ADCY6: variants seen among roughly 807,000 people sequenced by gnomAD.
The protein encoded by ADCY6 is adenylate cyclase type 6.
A neutral mutation model predicts 111.6 loss-of-function variants in ADCY6; 59 were observed. That is an observed-to-expected ratio of 0.53 (90% CI 0.43 to 0.66). ADCY6 has a LOEUF of 0.66. ADCY6 is among the 30% of genes least tolerant of loss of function. The pLI is 0.00. For synonymous variants in ADCY6, 576 were observed against 642.9 expected (o/e 0.90, Z 1.57); for missense variants, 1,242 against 1,595.6 (o/e 0.78, Z 3.78).
At chr12:48,775,744 C>T (rs1031900087) in intron 9 of ADCY6, 46 bp from the exon 10 acceptor site, 2 of 1,599,510 alleles carry the variant, frequency 1.3e-6, no homozygotes, top group African/African-American at 2.7e-5. Context: ...GGCCAACAAC[C>T]TTCATCTCTG....
Position 48,774,479 on chromosome 12 carries a change from C to A in ADCY6, c.2206G>T (p.Val736Phe), listed in dbSNP as rs1411484043. Residue 736 changes from valine to phenylalanine, a missense_variant, in exon 14 of 22, where the codon GTC (valine) becomes TTC (phenylalanine). Around this residue, in one of 4 missense-constraint regions of ADCY6, gnomAD observed 375 missense variants for 432.5 expected, o/e 0.87. Transcript: ENST00000357869. Reference protein sequence around the residue: ...KALQRLSRSIVRSRAHSTAVG... With the variant: ...KALQRLSRSIFRSRAHSTAVG... ...GCGGTGCTATGTGCCCGTGAGCGGA[C>A]AATGCTGCGGGACAGACGTTGCAGG... The A allele has an allele frequency of 1.2e-6, 2 of 1,613,946 alleles. No individual in the cohort carries two copies. Among genetic ancestry groups the A allele is most frequent in the Non-Finnish European group, 1.7e-6 (2 of 1,179,998 alleles).
At chr12:48,772,766 C>G (rs559415572) in intron 16 of ADCY6, among the ~76,000 whole-genome samples, 1 of 152,296 alleles carries the variant, frequency 6.6e-6, no homozygotes, top group South Asian at 2.1e-4. Context: ...TGAGACAAGT[C>G]GCTTAACTCT....
In ADCY6 at chr12:48,774,394, A is replaced by T; in HGVS notation, c.2283+8T>A. On this transcript the variant is annotated splice_region_variant and intron_variant, in intron 14 of 21. Transcript: ENST00000357869. ...GCAGAGGTGGGAGAATTCCCACTGG[A>T]CCCTTACCATGTTGGCAATGGCAGA... 1 of 1,606,908 alleles carries T rather than the reference A, an allele frequency of 6.2e-7. No individual in the cohort carries two copies. The highest frequency in any genetic ancestry group is 1.7e-4 in the Middle Eastern group (1 of 6,042).
At position 48,776,176 on chromosome 12, in the gene ADCY6, C is replaced by T; in HGVS notation, c.1677+33G>A. 2 of 1,613,988 alleles carry T rather than the reference C, an allele frequency of 1.2e-6. No homozygotes were observed. Among genetic ancestry groups the T allele is most frequent in the South Asian group, 1.1e-5 (1 of 91,082 alleles). ...TCCTCCCCATTTGTCCCTCTTCTTGCTCCCCTGCCCCCAGCCCTGCCCTGG... is the reference window on the plus strand; with the variant it reads ...TCCTCCCCATTTGTCCCTCTTCTTGTTCCCCTGCCCCCAGCCCTGCCCTGG... On this transcript the variant is annotated intron_variant, in intron 8 of 21. Coordinates refer to ENST00000357869, the MANE Select transcript of ADCY6 (RefSeq NM_015270.5). The surrounding 1 kb of genome is among the most constrained non-coding windows in gnomAD (Gnocchi z 6.1).
intron 1 of ADCY6, among the ~76,000 whole-genome samples, chr12:48,788,249 C>T (rs1162894432): frequency 6.6e-6 from 1 of 152,188 alleles, no homozygotes; most frequent in Non-Finnish European, 1.5e-5. Context: ...TCCCACATCA[C>T]CCTTTACTAT....
At chr12:48,770,645 G>C in intron 20 of ADCY6, 121 bp downstream of exon 20, 1 of 972,688 alleles carries the variant, frequency 1.0e-6, no homozygotes, top group East Asian at 2.4e-5. Flanking sequence ...TAGGAGGTCA[G>C]AGGGAAGAAA....
chr12:48,777,541 A>G lies in ADCY6; in HGVS notation c.1137-20T>C. On this transcript the variant is annotated intron_variant, in intron 4 of 21. Coordinates refer to ENST00000357869, the MANE Select transcript of ADCY6 (RefSeq NM_015270.5). The surrounding 1 kb of genome is among the most constrained non-coding windows in gnomAD (Gnocchi z 4.9). ...AGGATGCTGTAGATGACAGCAGAGG[A>G]TGAACAGAACACATAGCCCTCAAAG... 1 of 1,614,134 alleles carries G rather than the reference A, an allele frequency of 6.2e-7. No individual in the cohort carries two copies. The highest frequency in any genetic ancestry group is 8.5e-7 in the Non-Finnish European group (1 of 1,179,964).
intron 2 of ADCY6, among the ~76,000 whole-genome samples, chr12:48,779,451 C>T (rs1941789600): frequency 6.6e-6 from 1 of 152,162 alleles, no homozygotes; most frequent in African/African-American, 2.4e-5. Context: ...TCAAGCCCAA[C>T]CTCAGAGCCC....
intron 1 of ADCY6, 160 bp from the exon 2 acceptor site, chr12:48,783,598 C>A: frequency 1.4e-6 from 2 of 1,452,740 alleles, no homozygotes; most frequent in East Asian, 2.4e-5. Flanking sequence ...AGGTAGGCAA[C>A]AAGGGTATCC....
chr12:48,776,354 T>C lies in ADCY6; in HGVS notation c.1536-4A>G, dbSNP rs1941701944. 6.2e-7 allele frequency: 1 copy of C among 1,614,214 alleles called. No individual in the cohort carries two copies. Among genetic ancestry groups the C allele is most frequent in the East Asian group, 2.2e-5 (1 of 44,886 alleles). Reference sequence around the variant, plus strand: ...TGCCCGAGTGATGTGGATGCGGCTGTATGTGGCCAAGAGGGTGAGACCCTG... The same window carrying C: ...TGCCCGAGTGATGTGGATGCGGCTGCATGTGGCCAAGAGGGTGAGACCCTG... On this transcript the variant is annotated splice_region_variant and splice_polypyrimidine_tract_variant and intron_variant, in intron 7 of 21. Coordinates refer to ENST00000357869, the MANE Select transcript of ADCY6 (RefSeq NM_015270.5). The surrounding 1 kb of genome is among the most constrained non-coding windows in gnomAD (Gnocchi z 6.1).
intron 20 of ADCY6, among the ~76,000 whole-genome samples, chr12:48,769,665 C>T (rs1316185948): frequency 3.3e-5 from 5 of 150,812 alleles, no homozygotes; most frequent in African/African-American, 4.9e-5. Context: ...CAGCTCACTG[C>T]AACCTCTGCC....
intron 13 of ADCY6, 27 bp downstream of exon 13, chr12:48,774,664 A>C: frequency 6.2e-7 from 1 of 1,611,588 alleles, no homozygotes; most frequent in East Asian, 2.2e-5. Flanking sequence ...TGCCCTCCCC[A>C]ACAGCCTCAG....
intron 18 of ADCY6, 89 bp from the exon 19 acceptor site, chr12:48,772,062 TCA>T (rs756192807): frequency 6.6e-7 from 1 of 1,504,326 alleles, no homozygotes; most frequent in South Asian, 1.3e-5. Flanking sequence ...TAAGAGGGAA[TCA>T]CATAGAGAAA....
intron 2 of ADCY6, among the ~76,000 whole-genome samples, chr12:48,781,429 GC>G (rs1354652286): frequency 1.3e-5 from 2 of 152,204 alleles, no homozygotes; most frequent in Admixed American, 1.3e-4. Context: ...TGTGCTGATG[GC>G]GGGGCTGTGC....
chr12:48,788,197 TC>T (rs1357481214), intron 1 of ADCY6, among the ~76,000 whole-genome samples: 1 of 152,124 alleles, frequency 6.6e-6, no homozygotes, highest in African/African-American at 2.4e-5. Flanking sequence ...TGCCGCCTTC[TC>T]CCATCCCCAG....
chr12:48,784,659 T>C (rs1361276593), intron 1 of ADCY6, among the ~76,000 whole-genome samples: 6 of 142,854 alleles, frequency 4.2e-5, no homozygotes, highest in African/African-American at 1.6e-4. Flanking sequence ...GAAGAAAAAA[T>C]CTGGAGTTTT....
Position 48,773,996 on chromosome 12 carries a change from G to A in ADCY6, c.2386C>T (p.Leu796=). The change falls in exon 15 of 22, where the codon CTG becomes TTG. Residue 796 remains leucine, a synonymous_variant. Coordinates refer to ENST00000357869, the MANE Select transcript of ADCY6 (RefSeq NM_015270.5). ...ACHLQQLNYS[L]GLDAPLCEGT... is the part of the protein sequence containing the mutation. ...TCACACAGGGGAGCATCCAGGCCCAGAGAGTAATTGAGCTGCTGCAGGTGG... is the reference window on the plus strand; with the variant it reads ...TCACACAGGGGAGCATCCAGGCCCAAAGAGTAATTGAGCTGCTGCAGGTGG... 2 of 1,613,736 alleles carry A rather than the reference G, an allele frequency of 1.2e-6. No individual in the cohort carries two copies. Among genetic ancestry groups the A allele is most frequent in the Non-Finnish European group, 8.5e-7 (1 of 1,179,844 alleles).
At chr12:48,775,722 A>T in intron 9 of ADCY6, 24 bp from the exon 10 acceptor site, 1 of 1,611,764 alleles carries the variant, frequency 6.2e-7, no homozygotes, top group Non-Finnish European at 8.5e-7. Context: ...CAGAGTGTGG[A>T]GTGAGGTGAA....
chr12:48,778,648 C>T (rs912907882), intron 2 of ADCY6, among the ~76,000 whole-genome samples: 1 of 152,184 alleles, frequency 6.6e-6, no homozygotes, highest in Non-Finnish European at 1.5e-5. Context: ...GACCTGAGCT[C>T]TACATCCTCC....
Sources: allele counts gnomAD v4.1 joint callset (sites outside exome capture counted in the v4.1 genomes callset), GRCh38; gene constraint gnomAD v4.1.1; regional missense constraint gnomAD v4.1.1; non-coding constraint Gnocchi (gnomAD v3.1); transcripts MANE v1.5; gene names NCBI Gene and HGNC (gene_info 2026-07-23, HGNC 2026-07-21).